The following TBXAS1 variants were observed in gnomAD, a reference collection of about 807,000 sequenced individuals.
TBXAS1 encodes thromboxane A synthase 1.
Under a neutral mutation model 60.7 loss-of-function variants are expected in TBXAS1, and 48 were observed. That is an observed-to-expected ratio of 0.79 (90% CI 0.63 to 1.01). TBXAS1 has a LOEUF of 1.01. TBXAS1 is among the 50% of genes least tolerant of loss of function. TBXAS1 has a pLI of 0.00. For synonymous variants in TBXAS1, 287 were observed against 269.7 expected (o/e 1.06, Z -0.63); for missense variants, 685 against 686.3 (o/e 1.00, Z 0.02).
chr7:139,873,211 C>T (rs894812234), intron 2 of TBXAS1, among the ~76,000 whole-genome samples: 32 of 152,136 alleles, frequency 2.1e-4, no homozygotes, highest in Non-Finnish European at 2.9e-5. Flanking sequence ...ACAGGTTGAC[C>T]AGCAGCCTGG....
intron 4 of TBXAS1, among the ~76,000 whole-genome samples, chr7:139,809,320 T>TTAGATAGATAGATAGATAGATAGA (rs55917453): frequency 6.9e-6 from 1 of 144,814 alleles, no homozygotes; most frequent in Non-Finnish European, 1.5e-5. Context: ...CAATAGGAGA[T>TTAGATAGATAGATAGATAGATAGA]TAGATAGATA....
chr7:139,906,070 C>CTT (rs35857550), intron 3 of TBXAS1: 569 of 355,616 alleles, frequency 1.6e-3, no homozygotes, highest in Non-Finnish European at 2.0e-3. Context: ...ACTCTAGCAT[C>CTT]TTTTTTTTTT....
chr7:139,995,633 C>T (rs1813234073), intron 9 of TBXAS1, among the ~76,000 whole-genome samples: 1 of 152,158 alleles, frequency 6.6e-6, no homozygotes, highest in African/African-American at 2.4e-5. Flanking sequence ...TGAAAAGCCC[C>T]GGTGGACCTG....
At chr7:139,943,263 T>C (rs866976879) in intron 5 of TBXAS1, among the ~76,000 whole-genome samples, 3 of 152,240 alleles carry the variant, frequency 2.0e-5, no homozygotes, top group Admixed American at 6.5e-5. Flanking sequence ...AAAAATACAT[T>C]GGCCTTGCCT....
intron 1 of TBXAS1, among the ~76,000 whole-genome samples, chr7:139,841,264 G>A (rs577763209): frequency 4.1e-4 from 62 of 152,296 alleles, no homozygotes; most frequent in Admixed American, 3.5e-3. Context: ...TCTTGGGCTG[G>A]GTCTTGAAAT....
Position 139,872,221 on chromosome 7 carries a change from G to A in TBXAS1, c.90-14G>A. 1 of 1,611,336 alleles carries A rather than the reference G, an allele frequency of 6.2e-7. No individual in the cohort carries two copies. Among genetic ancestry groups the A allele is most frequent in the Non-Finnish European group, 8.5e-7 (1 of 1,177,556 alleles). On this transcript the variant is annotated splice_polypyrimidine_tract_variant and intron_variant, in intron 1 of 12. Coordinates refer to ENST00000448866, the MANE Select transcript of TBXAS1 (RefSeq NM_001061.7). Reference sequence around the variant, plus strand: ...CTTCATTTCTCAGCTTTTGAAATCTGCTTTTCCCTCCAGGTACTCCACATC... The same window carrying A: ...CTTCATTTCTCAGCTTTTGAAATCTACTTTTCCCTCCAGGTACTCCACATC...
intron 12 of TBXAS1, among the ~76,000 whole-genome samples, chr7:140,019,365 C>A (rs962780273): frequency 6.6e-6 from 1 of 152,206 alleles, no homozygotes; most frequent in African/African-American, 2.4e-5. Flanking sequence ...CTCACTTCCC[C>A]ACGATCTCAA....
intron 1 of TBXAS1, among the ~76,000 whole-genome samples, chr7:139,849,227 C>T (rs1800031455): frequency 6.6e-6 from 1 of 151,774 alleles, no homozygotes; most frequent in South Asian, 2.1e-4. Flanking sequence ...GAAAATACAA[C>T]AATTAGCCAG....
chr7:139,809,233 T>TGATA (rs55681043), intron 4 of TBXAS1, among the ~76,000 whole-genome samples: 5,804 of 130,922 alleles, frequency 0.044, 189 homozygotes, highest in Non-Finnish European at 0.057. Flanking sequence ...GATAGATAGA[T>TGATA]GATAGATAGA....
At chr7:139,790,695 T>G (rs1181441819) in intron 4 of TBXAS1, among the ~76,000 whole-genome samples, 1 of 152,240 alleles carries the variant, frequency 6.6e-6, no homozygotes, top group Non-Finnish European at 1.5e-5. Flanking sequence ...TTCATTCTGA[T>G]GGATAAGATA....
chr7:139,923,526 ATGC>A (rs2117117223), intron 4 of TBXAS1, among the ~76,000 whole-genome samples: 1 of 151,608 alleles, frequency 6.6e-6, no homozygotes, highest in African/African-American at 2.4e-5. Context: ...TGCATGTATC[ATGC>A]ATGCATGATA....
chr7:139,828,665 A>G (rs1798517039), upstream of TBXAS1, among the ~76,000 whole-genome samples: 1 of 151,690 alleles, frequency 6.6e-6, no homozygotes, highest in Admixed American at 6.6e-5. Flanking sequence ...AGATAAGCTC[A>G]AAGCTAGAAC....
chr7:139,851,727 C>T (rs1353865812), intron 1 of TBXAS1, among the ~76,000 whole-genome samples: 2 of 152,214 alleles, frequency 1.3e-5, no homozygotes, highest in African/African-American at 2.4e-5. Context: ...CAGCTTGATA[C>T]ACTCAAGGTG....
At chr7:139,974,225 T>C (rs751290031) in intron 9 of TBXAS1, among the ~76,000 whole-genome samples, 1 of 152,180 alleles carries the variant, frequency 6.6e-6, no homozygotes, top group Non-Finnish European at 1.5e-5. Context: ...AACTTTTTCA[T>C]GAAAATGGCA....
chr7:139,921,050 C>G (rs1304638410), intron 4 of TBXAS1, among the ~76,000 whole-genome samples: 1 of 152,172 alleles, frequency 6.6e-6, no homozygotes, highest in African/African-American at 2.4e-5. Context: ...ATCCAGCATT[C>G]AAGTCTGTCG....
At chr7:139,865,585 A>AAGGAGGAGGAGGAGGAGGAAGAGGAGG (rs1801287632) in intron 1 of TBXAS1, among the ~76,000 whole-genome samples, 1 of 51,168 alleles carries the variant, frequency 2.0e-5, no homozygotes, top group African/African-American at 8.1e-5. Flanking sequence ...GAGGAAGAAG[A>AAGGAGGAGGAGGAGGAGGAAGAGGAGG]AGGAGGAGGA....
At chr7:139,954,081 C>T (rs1809648498) in intron 6 of TBXAS1, among the ~76,000 whole-genome samples, 1 of 151,958 alleles carries the variant, frequency 6.6e-6, no homozygotes, top group Non-Finnish European at 1.5e-5. Flanking sequence ...AGACAATTCT[C>T]CTGCTTCCAA....
At chr7:139,985,481 G>A (rs1482518150) in intron 9 of TBXAS1, among the ~76,000 whole-genome samples, 1 of 152,038 alleles carries the variant, frequency 6.6e-6, no homozygotes, top group Non-Finnish European at 1.5e-5. Context: ...CCCATTATCG[G>A]GTTGTCATCT....
At chr7:139,943,481 T>A (rs1200247132) in intron 5 of TBXAS1, among the ~76,000 whole-genome samples, 2 of 152,266 alleles carry the variant, frequency 1.3e-5, no homozygotes, top group Non-Finnish European at 2.9e-5. Context: ...CAGCCTGGGT[T>A]ATAATTTGGC....
Sources: allele counts gnomAD v4.1 joint callset (sites outside exome capture counted in the v4.1 genomes callset), GRCh38; gene constraint gnomAD v4.1.1; transcripts MANE v1.5; gene names NCBI Gene and HGNC (gene_info 2026-07-23, HGNC 2026-07-21).